KIF5B: variants seen among roughly 807,000 people sequenced by gnomAD.
The protein encoded by KIF5B is kinesin family member 5B, also known as kinesin-1 heavy chain.
Under a neutral mutation model 132.8 loss-of-function variants are expected in KIF5B, and 49 were observed. That is an observed-to-expected ratio of 0.37 (90% confidence interval 0.29 to 0.47). KIF5B has a LOEUF of 0.47. KIF5B is among the 20% of genes least tolerant of loss of function. KIF5B has a pLI of 1.00. For synonymous variants in KIF5B, 355 were observed against 369.4 expected (o/e 0.96, Z 0.45); for missense variants, 780 against 1,144.0 (o/e 0.68, Z 4.59).
chr10:32,055,749 G>A (rs1007912066), intron 1 of KIF5B, 99 bp downstream of exon 1: 6 of 1,466,260 alleles, frequency 4.1e-6, no homozygotes, highest in African/African-American at 2.8e-5. Flanking sequence ...TGGGGACACC[G>A]CCGCTCCCTT....
At chr10:32,015,725 G>T in intron 24 of KIF5B, 66 bp from the exon 25 acceptor site, 3 of 1,306,722 alleles carry the variant, frequency 2.3e-6, no homozygotes, top group Non-Finnish European at 1.1e-6. Context: ...GACTGTTAAG[G>T]TTTCTTCTCT....
chr10:32,022,757 T>TA, intron 16 of KIF5B, 91 bp downstream of exon 16: 1 of 913,164 alleles, frequency 1.1e-6, no homozygotes. Flanking sequence ...ATTTCACCTA[T>TA]AGACACACAT....
chr10:32,018,015 C>T (rs1264820718), intron 23 of KIF5B, 37 bp downstream of exon 23: 1 of 1,177,344 alleles, frequency 8.5e-7, no homozygotes, highest in Non-Finnish European at 1.2e-6. Context: ...TTGATTTTTA[C>T]TATCTTGCAG....
At chr10:32,052,977 T>C (rs1475308963) in intron 1 of KIF5B, among the ~76,000 whole-genome samples, 3 of 152,224 alleles carry the variant, frequency 2.0e-5, no homozygotes, top group African/African-American at 7.2e-5. Context: ...ATCAGAATCC[T>C]TAAAAATTAC....
At chr10:32,029,212 C>T (rs1841368652) in intron 14 of KIF5B, among the ~76,000 whole-genome samples, 1 of 152,128 alleles carries the variant, frequency 6.6e-6, no homozygotes, top group African/African-American at 2.4e-5. Context: ...AGAACAGATA[C>T]AAGGTGAGCA....
Position 32,037,157 on chromosome 10 carries a change from G to C in KIF5B, c.711+97C>G, listed in dbSNP as rs1451981665. The C allele has an allele frequency of 2.6e-6, 3 of 1,146,638 alleles. No homozygotes were observed. The African/African-American group carries it at 4.7e-5, about 18-fold the overall frequency. The allele number at this position is 1,146,638 out of a possible 1,614,324, so 71.0% of individuals were successfully genotyped here. A position where few individuals can be genotyped will look rare whatever the true frequency, so the allele number is the denominator to read the frequency against. On this transcript the variant is annotated intron_variant, in intron 8 of 25. Coordinates refer to ENST00000302418, the MANE Select transcript of KIF5B (RefSeq NM_004521.3). ...ATCTCAGGTTACCAAATCCAGTTTG[G>C]TAAGTAAGATGCAACAATGAACCCT...
intron 20 of KIF5B, among the ~76,000 whole-genome samples, chr10:32,019,473 A>C (rs1296397736): frequency 6.6e-6 from 1 of 152,196 alleles, no homozygotes; most frequent in Non-Finnish European, 1.5e-5. Context: ...TAAACACCAC[A>C]ATGCTCTTTT....
intron 24 of KIF5B, among the ~76,000 whole-genome samples, chr10:32,016,201 A>G (rs184158144): frequency 1.0e-3 from 152 of 152,252 alleles, no homozygotes; most frequent in African/African-American, 3.2e-3. Flanking sequence ...TCATGCCTGT[A>G]ATCCCAGCAC....
chr10:32,042,876 G>A (rs1196842160), intron 2 of KIF5B, among the ~76,000 whole-genome samples: 4 of 152,202 alleles, frequency 2.6e-5, no homozygotes, highest in African/African-American at 9.6e-5. Context: ...CTGAGAATTA[G>A]AAGTCATCAT....
At chr10:32,031,932 G>A (rs2132598421) in intron 13 of KIF5B, among the ~76,000 whole-genome samples, 1 of 149,892 alleles carries the variant, frequency 6.7e-6, no homozygotes, top group East Asian at 2.0e-4. Context: ...CTGGGAGGTG[G>A]AGGTTGCAGT....
At chr10:32,052,011 C>T (rs1841700227) in intron 1 of KIF5B, among the ~76,000 whole-genome samples, 1 of 152,210 alleles carries the variant, frequency 6.6e-6, no homozygotes, top group African/African-American at 2.4e-5. Context: ...TCACAAGATG[C>T]ATTCACGTCT....
At chr10:32,017,107 G>T in intron 24 of KIF5B, 36 bp downstream of exon 24, 2 of 1,524,588 alleles carry the variant, frequency 1.3e-6, no homozygotes, top group South Asian at 1.1e-5. Context: ...CATTCAAATT[G>T]AGCAAGGTTT....
intron 24 of KIF5B, 67 bp from the exon 25 acceptor site, chr10:32,015,726 T>C: frequency 7.7e-7 from 1 of 1,291,330 alleles, no homozygotes; most frequent in Non-Finnish European, 1.1e-6. Flanking sequence ...ACTGTTAAGG[T>C]TTCTTCTCTT....
intron 5 of KIF5B, among the ~76,000 whole-genome samples, chr10:32,038,517 G>C (rs1004927514): frequency 6.6e-6 from 1 of 152,148 alleles, no homozygotes; most frequent in Non-Finnish European, 1.5e-5. Context: ...ACAGTTGACA[G>C]AAGACTAGAA....
chr10:32,031,694 A>G, intron 13 of KIF5B, among the ~76,000 whole-genome samples: 1 of 151,612 alleles, frequency 6.6e-6, no homozygotes, highest in East Asian at 2.0e-4. Flanking sequence ...ATTCTACAAG[A>G]GTTGCTTAAA....
chr10:32,024,086 A>G (rs527998560), intron 15 of KIF5B, among the ~76,000 whole-genome samples: 1 of 146,508 alleles, frequency 6.8e-6, no homozygotes, highest in Non-Finnish European at 1.5e-5. Context: ...AACAAGACAC[A>G]GAGAAATAAT....
intron 1 of KIF5B, among the ~76,000 whole-genome samples, chr10:32,051,432 G>A (rs1841693534): frequency 6.6e-6 from 1 of 152,118 alleles, no homozygotes; most frequent in South Asian, 2.1e-4. Context: ...AATGTAAACA[G>A]CTTCATAATA....
rs776497098 is a variant in KIF5B at position 32,032,624 on chromosome 10, C to T, written c.1374+82G>A. The T allele has an allele frequency of 3.8e-6, 4 of 1,058,962 alleles. No individual in the cohort carries two copies. The Admixed American group carries it at 5.2e-5, about 14-fold the overall frequency. The allele number at this position is 1,058,962 out of a possible 1,614,324, so 65.6% of individuals were successfully genotyped here. On this transcript the variant is annotated intron_variant, in intron 13 of 25. Transcript: ENST00000302418. Reference sequence around the variant, plus strand: ...GACAGTCATACCCAAAATTATACAACTATTAAAGACAAAGTCAATGGGATT... The same window carrying T: ...GACAGTCATACCCAAAATTATACAATTATTAAAGACAAAGTCAATGGGATT...
In KIF5B at chr10:32,023,007, T is replaced by A. The variant is rs1302729173; in HGVS notation, c.1755A>T (p.Glu585Asp). Residue 585 changes from glutamate to aspartate, a missense_variant, in exon 16 of 26, where the codon GAA becomes GAT. This residue lies in a region of KIF5B where 471 missense variants were observed against 569.9 expected (regional missense o/e 0.83). Transcript: ENST00000302418. ...KQPEGTGMIDEEFTVARLYIS... is the reference protein window; with the variant it reads ...KQPEGTGMIDDEFTVARLYIS... ...TGTAGAGTCTTGCAACAGTGAACTC[T>A]TCATCTATCATGCCAGTTCCCTCAG... 1 of 1,605,156 alleles carries A rather than the reference T, an allele frequency of 6.2e-7. No homozygotes were observed. The highest frequency in any genetic ancestry group is 1.1e-5 in the South Asian group (1 of 89,172).
Sources: allele counts gnomAD v4.1 joint callset (sites outside exome capture counted in the v4.1 genomes callset), GRCh38; gene constraint gnomAD v4.1.1; regional missense constraint gnomAD v4.1.1; transcripts MANE v1.5; gene names NCBI Gene and HGNC (gene_info 2026-07-23, HGNC 2026-07-21).